Variants in SPAG9 observed in about 807,000 individuals in gnomAD.
SPAG9 encodes the protein C-Jun-amino-terminal kinase-interacting protein 4.
A neutral mutation model predicts 166.5 loss-of-function variants in SPAG9; 35 were observed. That is an observed-to-expected ratio of 0.21 (90% CI 0.16 to 0.28). The LOEUF (loss-of-function observed/expected upper bound fraction) is 0.28. Ranked by LOEUF, SPAG9 falls within the 10% of genes least tolerant of loss-of-function variation. SPAG9 has a pLI of 1.00. For synonymous variants in SPAG9, 534 were observed against 565.5 expected, an observed-to-expected ratio of 0.94 and a Z score of 0.79; for missense variants, 1,235 against 1,603.3, an observed-to-expected ratio of 0.77 and a Z score of 3.92.
At chr17:50,971,244 T>C (rs1274593308) in intron 28 of SPAG9, among the ~76,000 whole-genome samples, 1 of 151,994 alleles carries the variant, frequency 6.6e-6, no homozygotes, top group Non-Finnish European at 1.5e-5. Flanking sequence ...GAGTTCAGTG[T>C]TGCAGTGAGC....
chr17:50,980,465 A>G (rs1974516406), intron 25 of SPAG9, among the ~76,000 whole-genome samples: 1 of 151,274 alleles, frequency 6.6e-6, no homozygotes. Flanking sequence ...TCGGCCTTCC[A>G]AAGTGCTGGG....
At chr17:51,077,233 C>A (rs753327763) in intron 2 of SPAG9, among the ~76,000 whole-genome samples, 9 of 152,002 alleles carry the variant, frequency 5.9e-5, no homozygotes, top group Non-Finnish European at 1.3e-4. Context: ...AAGCGATTCT[C>A]CTGTCTCAGC....
chr17:50,987,065 G>A, intron 22 of SPAG9, 47 bp downstream of exon 22: 1 of 1,552,686 alleles, frequency 6.4e-7, no homozygotes, highest in South Asian at 1.2e-5. Flanking sequence ...GATTTCAAAA[G>A]CAAAAGTAAA....
rs567731913 is a variant in SPAG9 at position 50,994,581 on chromosome 17, G to A, written c.2226+476C>T. 9.2e-5 allele frequency among the ~76,000 whole-genome samples: 14 copies of A among 152,124 alleles called. No individual in the cohort carries two copies. The East Asian group carries it at 1.9e-3, about 21-fold the overall frequency. On this transcript the variant is annotated intron_variant, in intron 18 of 29. Transcript: ENST00000262013. ...GCCTGGTCAACACAGTGAAACCCTC[G>A]TCTCTACAAAAAATAAAATTAGCCA... is the stretch of plus-strand genomic sequence containing the variant.
At position 50,970,811 on chromosome 17, in the gene SPAG9, G is replaced by A. The variant is rs1005214047; in HGVS notation, c.3746C>T (p.Thr1249Met). The change falls in exon 29 of 30, where the codon ACG (threonine) becomes ATG (methionine). Residue 1249 changes from threonine (T) to methionine (M), a missense_variant. By Grantham distance (81) the Thr-to-Met change is moderately conservative (BLOSUM62 -1). This residue lies in a region of SPAG9 where 243 missense variants were observed against 358.6 expected (regional missense o/e 0.68). Transcript: ENST00000262013. ...TGCAGATGGCCCTGCTTTGTCACCCGTCAGATCCGTGCCACTACTGCTACT... is the reference window on the plus strand; with the variant it reads ...TGCAGATGGCCCTGCTTTGTCACCCATCAGATCCGTGCCACTACTGCTACT... ...PQSSSSGTDL[T>M]GDKAGPSAQE... 12 of 1,613,832 alleles carry A rather than the reference G, an allele frequency of 7.4e-6. No individual in the cohort carries two copies. Among genetic ancestry groups the A allele is most frequent in the South Asian group, 2.2e-5 (2 of 91,082 alleles).
In SPAG9 at chr17:51,093,611, C is replaced by T. The variant is rs987018205; in HGVS notation, c.304-13907G>A. Among the ~76,000 whole-genome samples the T allele has an allele frequency of 1.1e-4, 16 of 141,862 alleles. No homozygotes were observed. In the East Asian group the frequency reaches 1.7e-3, roughly 15 times the overall value. The allele number at this position is 141,862 out of a possible 152,430, so 93.1% of individuals were successfully genotyped here. ...TCGGGAGGCTGAGGCAGGAGAATGG[C>T]GTGAACCCAGGAGATGGAGCTCACA... is the stretch of plus-strand genomic sequence containing the variant. On this transcript the variant is annotated intron_variant, in intron 1 of 29. Coordinates refer to ENST00000262013, the MANE Select transcript of SPAG9 (RefSeq NM_001130528.3).
intron 6 of SPAG9, among the ~76,000 whole-genome samples, chr17:51,024,278 T>C (rs1320018605): frequency 6.6e-6 from 1 of 152,048 alleles, no homozygotes; most frequent in Non-Finnish European, 1.5e-5. Context: ...AAAGCATTAG[T>C]GATAAAATTA....
intron 1 of SPAG9, among the ~76,000 whole-genome samples, chr17:51,091,492 TTTGTTG>T (rs201654704): frequency 6.6e-6 from 1 of 151,698 alleles, no homozygotes; most frequent in Non-Finnish European, 1.5e-5. Flanking sequence ...TTTCTGTTTT[TTTGTTG>T]TTGTTGTTGT....
Position 51,049,442 on chromosome 17 carries a change from G to C in SPAG9, c.496-1973C>G, listed in dbSNP as rs185188326. 3.9e-4 allele frequency among the ~76,000 whole-genome samples: 59 copies of C among 152,230 alleles called. 1 individual carries two copies. Among genetic ancestry groups the C allele is most frequent in the Admixed American group, 2.3e-3 (35 of 15,290 alleles). Reference sequence around the variant, plus strand: ...TGTAATCCCAGCACTTTGGGAGGCTGAGGTGGGAGGACTGCTTGAGCCCAG... The same window carrying C: ...TGTAATCCCAGCACTTTGGGAGGCTCAGGTGGGAGGACTGCTTGAGCCCAG... On this transcript the variant is annotated intron_variant, in intron 3 of 29. Transcript: ENST00000262013.
At position 51,104,397 on chromosome 17, in the gene SPAG9, G is replaced by T. The variant is rs147325589; in HGVS notation, c.303+15957C>A. On this transcript the variant is annotated intron_variant, in intron 1 of 29. Coordinates refer to ENST00000262013, the MANE Select transcript of SPAG9 (RefSeq NM_001130528.3). ...TACACCTGTAATTCTAGCACTTTGG[G>T]AGTCCAAGGTGGACGGATCACCCAA... 8.8e-3 allele frequency among the ~76,000 whole-genome samples: 1,337 copies of T among 152,234 alleles called. 14 individuals carry two copies. Among genetic ancestry groups the T allele is most frequent in the African/African-American group, 0.03 (1,253 of 41,554 alleles).
At chr17:51,099,263 G>A (rs775669690) in intron 1 of SPAG9, among the ~76,000 whole-genome samples, 5 of 151,090 alleles carry the variant, frequency 3.3e-5, no homozygotes, top group Admixed American at 1.3e-4. Context: ...GAGAAACCCC[G>A]TCTCCAATAA....
chr17:51,020,708 C>T (rs978242055), intron 7 of SPAG9, among the ~76,000 whole-genome samples: 1 of 152,136 alleles, frequency 6.6e-6, no homozygotes, highest in African/African-American at 2.4e-5. Flanking sequence ...CAATTGAATA[C>T]AATTAAGTGC....
intron 26 of SPAG9, among the ~76,000 whole-genome samples, chr17:50,979,366 C>T (rs989801112): frequency 7.1e-5 from 10 of 140,264 alleles, no homozygotes; most frequent in Non-Finnish European, 1.4e-4. Context: ...AGTGAGACCC[C>T]GTCTTGAAAA....
intron 28 of SPAG9, among the ~76,000 whole-genome samples, chr17:50,971,444 C>T (rs1973797232): frequency 6.6e-6 from 1 of 150,644 alleles, no homozygotes; most frequent in South Asian, 2.1e-4. Context: ...GTCTTAGCTG[C>T]CTGCTTCAAA....
intron 14 of SPAG9, 67 bp downstream of exon 14, chr17:50,999,594 A>C: frequency 6.6e-7 from 1 of 1,510,166 alleles, no homozygotes; most frequent in Non-Finnish European, 9.0e-7. Context: ...TCATTCTTGG[A>C]AATAAATTTT....
intron 27 of SPAG9, among the ~76,000 whole-genome samples, chr17:50,976,336 A>C (rs185106956): frequency 6.6e-6 from 1 of 152,272 alleles, no homozygotes; most frequent in East Asian, 1.9e-4. Flanking sequence ...ATCTCTTAGG[A>C]TATAAGGAGA....
intron 29 of SPAG9, among the ~76,000 whole-genome samples, chr17:50,966,877 C>T (rs1973400300): frequency 6.6e-6 from 1 of 152,190 alleles, no homozygotes; most frequent in Non-Finnish European, 1.5e-5. Context: ...TTGACACAAG[C>T]ATATGGAAAT....
intron 3 of SPAG9, among the ~76,000 whole-genome samples, chr17:51,050,809 T>A (rs1428389524): frequency 4.0e-5 from 6 of 151,882 alleles, no homozygotes; most frequent in African/African-American, 1.2e-4. Flanking sequence ...ACGCTTCAGA[T>A]AATCTATTCT....
chr17:51,007,170 A>T, intron 10 of SPAG9, 99 bp downstream of exon 10: 1 of 629,254 alleles, frequency 1.6e-6, no homozygotes. Context: ...GAGATGGGAC[A>T]GGGAGATTCC....
Sources: allele counts gnomAD v4.1 joint callset (sites outside exome capture counted in the v4.1 genomes callset), GRCh38; gene constraint gnomAD v4.1.1; regional missense constraint gnomAD v4.1.1; transcripts MANE v1.5; gene names NCBI Gene and HGNC (gene_info 2026-07-23, HGNC 2026-07-21).